Variants in FANK1 observed in about 807,000 individuals in gnomAD.
The protein encoded by FANK1 is fibronectin type III and ankyrin repeat domains 1, also known as fibronectin type 3 and ankyrin repeat domains protein 1.
Under a neutral mutation model 45.3 loss-of-function variants are expected in FANK1, and 44 were observed. That is an observed-to-expected ratio of 0.97 (90% CI 0.76 to 1.25). FANK1 has a LOEUF of 1.25. FANK1 is among the 50% of genes most tolerant of loss of function. FANK1 has a pLI of 0.00. For synonymous variants in FANK1, 149 were observed against 152.5 expected (o/e 0.98, Z 0.17); for missense variants, 391 against 424.4 (o/e 0.92, Z 0.69).
At chr10:125,931,630 T>C (rs1157433356) in intron 1 of FANK1, among the ~76,000 whole-genome samples, 1 of 152,242 alleles carries the variant, frequency 6.6e-6, no homozygotes, top group Non-Finnish European at 1.5e-5. Flanking sequence ...GATGTATAGA[T>C]TGTGAAGATT....
chr10:125,951,414 AT>A (rs112262835), intron 1 of FANK1, among the ~76,000 whole-genome samples: 2,711 of 152,242 alleles, frequency 0.018, 84 homozygotes, highest in African/African-American at 0.062. Context: ...AGGCAGAAAA[AT>A]TTGCAACTTC....
chr10:125,967,785 A>G (rs1367705397), intron 1 of FANK1, among the ~76,000 whole-genome samples: 1 of 152,200 alleles, frequency 6.6e-6, no homozygotes, highest in Non-Finnish European at 1.5e-5. Context: ...TTTTTTCATA[A>G]TAAAAATAAA....
At chr10:125,953,108 T>C (rs901618124) in intron 1 of FANK1, among the ~76,000 whole-genome samples, 2 of 152,170 alleles carry the variant, frequency 1.3e-5, no homozygotes, top group African/African-American at 4.8e-5. Flanking sequence ...GCCTCAGAGT[T>C]TGGGTCAGTA....
intron 1 of FANK1, among the ~76,000 whole-genome samples, chr10:125,948,258 T>G (rs1356538709): frequency 1.3e-5 from 2 of 150,822 alleles, no homozygotes; most frequent in Admixed American, 1.3e-4. Flanking sequence ...AAGAAATAAC[T>G]AAAATCAGAG....
intron 1 of FANK1, among the ~76,000 whole-genome samples, chr10:125,948,572 G>A (rs1464134910): frequency 1.3e-5 from 2 of 152,186 alleles, no homozygotes; most frequent in South Asian, 2.1e-4. Context: ...GGAAGAAGTT[G>A]AATCTCTGAA....
At chr10:125,945,789 C>A (rs1444254154) in intron 1 of FANK1, among the ~76,000 whole-genome samples, 1 of 152,234 alleles carries the variant, frequency 6.6e-6, no homozygotes, top group Non-Finnish European at 1.5e-5. Flanking sequence ...GGCTCCACCT[C>A]TGGGGGCAGG....
intron 1 of FANK1, among the ~76,000 whole-genome samples, chr10:125,957,745 A>C (rs1393779750): frequency 2.0e-5 from 3 of 151,988 alleles, no homozygotes; most frequent in Non-Finnish European, 4.4e-5. Flanking sequence ...TGCTGGTCGC[A>C]AACTCCTGGC....
chr10:125,922,741 C>G (rs1947034274), intron 1 of FANK1, among the ~76,000 whole-genome samples: 1 of 152,144 alleles, frequency 6.6e-6, no homozygotes. Context: ...TCTCAAACTC[C>G]TGAGCTCAGG....
In FANK1 at chr10:125,914,280, C is replaced by CATATATATATATATATATATATAT. The variant is rs572373307; in HGVS notation, c.13+17637_13+17638insATATATATATATATATATATATAT. On this transcript the variant is annotated intron_variant, in intron 1 of 10. Coordinates refer to ENST00000368693, the MANE Select transcript of FANK1 (RefSeq NM_145235.5). ...GCTCCAGCTCAGCATCTTTGTATGC[C>CATATATATATATATATATATATAT]ATATATATATATTTAAAAAGTCTCA... Among the ~76,000 whole-genome samples, 103 of 140,328 alleles carry CATATATATATATATATATATATAT rather than the reference C, an allele frequency of 7.3e-4. 2 individuals carry two copies. The highest frequency in any genetic ancestry group is 2.4e-3 in the African/African-American group (83 of 34,574). 92.1% of individuals were successfully genotyped at this position (140,328 alleles called of 152,430 possible). A position where few individuals can be genotyped will look rare whatever the true frequency, so the allele number is the denominator to read the frequency against.
intron 1 of FANK1, 40 bp from the exon 2 acceptor site, chr10:125,980,121 G>A (rs758754599): frequency 4.4e-6 from 7 of 1,589,026 alleles, no homozygotes; most frequent in Non-Finnish European, 6.0e-6. Context: ...CTTCCTTATG[G>A]AAACTGGGTC....
At chr10:125,989,634 A>G (rs774549533) in intron 3 of FANK1, among the ~76,000 whole-genome samples, 2 of 152,252 alleles carry the variant, frequency 1.3e-5, no homozygotes, top group Admixed American at 6.5e-5. Flanking sequence ...TGTGAAAAAC[A>G]CAATTTCAGA....
rs776134655 is a variant in FANK1 at position 126,008,568 on chromosome 10, A to C, written c.849+18A>C. ...CCCTTATGGTAGGTCCTCCTCCCGAAAATAGGCAGTTTTCTACGTGGAATT... is the reference window on the plus strand; with the variant it reads ...CCCTTATGGTAGGTCCTCCTCCCGACAATAGGCAGTTTTCTACGTGGAATT... On this transcript the variant is annotated intron_variant, in intron 8 of 10. Transcript: ENST00000368693. 6.3e-7 allele frequency: 1 copy of C among 1,590,958 alleles called. No individual in the cohort carries two copies. Among genetic ancestry groups the C allele is most frequent in the Non-Finnish European group, 8.5e-7 (1 of 1,171,936 alleles).
At chr10:125,963,757 G>T (rs76339414) in intron 1 of FANK1, among the ~76,000 whole-genome samples, 54,187 of 151,856 alleles carry the variant, frequency 0.36, 9,983 homozygotes, top group South Asian at 0.42. Flanking sequence ...GTGTGGGTAG[G>T]GGGGAGGGAT....
chr10:125,978,018 C>A (rs11244742), intron 1 of FANK1, among the ~76,000 whole-genome samples: 51,890 of 151,932 alleles, frequency 0.34, 9,499 homozygotes, highest in South Asian at 0.45. Context: ...GGCTGGAGGC[C>A]CAGGCCTGGA....
intron 1 of FANK1, among the ~76,000 whole-genome samples, chr10:125,967,528 G>A (rs541540077): frequency 6.6e-6 from 1 of 152,348 alleles, no homozygotes; most frequent in African/African-American, 2.4e-5. Flanking sequence ...TAATTGTGCT[G>A]ATAATTGAAG....
chr10:126,002,653 T>C (rs1952856821), intron 6 of FANK1, among the ~76,000 whole-genome samples: 1 of 152,044 alleles, frequency 6.6e-6, no homozygotes, highest in African/African-American at 2.4e-5. Flanking sequence ...TTTCCAACTC[T>C]CTATTTTGAA....
intron 1 of FANK1, chr10:125,973,305 A>G (rs578038090): frequency 6.3e-6 from 2 of 316,244 alleles, no homozygotes; most frequent in South Asian, 1.3e-4. Context: ...GAATTGAAAT[A>G]CTTGTTGGCT....
intron 3 of FANK1, chr10:125,989,486 C>T (rs1376332297): frequency 2.2e-6 from 2 of 890,382 alleles, no homozygotes; most frequent in South Asian, 2.8e-5. Flanking sequence ...GTCCTTTAGG[C>T]ATTTCTTCAT....
intron 1 of FANK1, among the ~76,000 whole-genome samples, chr10:125,947,910 C>T (rs1948926413): frequency 1.4e-5 from 2 of 145,536 alleles, no homozygotes; most frequent in South Asian, 2.3e-4. Context: ...TTATAACAAA[C>T]TATCTCTCAG....
Sources: allele counts gnomAD v4.1 joint callset (sites outside exome capture counted in the v4.1 genomes callset), GRCh38; gene constraint gnomAD v4.1.1; transcripts MANE v1.5; gene names NCBI Gene and HGNC (gene_info 2026-07-23, HGNC 2026-07-21).